RAB7B: variants seen among roughly 807,000 people sequenced by gnomAD.
The protein encoded by RAB7B is RAB7B, member RAS oncogene family, also known as ras-related protein Rab-7b.
chr1:206,002,508 C>A (rs1660907120), intron 1 of RAB7B, among the ~76,000 whole-genome samples: 1 of 152,236 alleles, frequency 6.6e-6, no homozygotes, highest in African/African-American at 2.4e-5. Flanking sequence ...TGCATGCTTA[C>A]TAAGCCCCAG....
rs997652667 is a variant in RAB7B, at chr1:206,001,183, C to T, written c.-17+2070G>A. On this transcript the variant is annotated intron_variant, in intron 1 of 5. Transcript: ENST00000617070. Reference sequence around the variant, plus strand: ...GAAGTGGGGGCGGTTTGTGGGGTGACGCAGCCTGGCTCACCTAGGAGGCAC... The same window carrying T: ...GAAGTGGGGGCGGTTTGTGGGGTGATGCAGCCTGGCTCACCTAGGAGGCAC... Among the ~76,000 whole-genome samples the T allele has an allele frequency of 6.4e-4, 97 of 151,994 alleles. No individual in the cohort carries two copies. The Middle Eastern group carries it at 0.014, about 21-fold the overall frequency.
At chr1:205,996,598 A>G (rs1015636976) in intron 1 of RAB7B, among the ~76,000 whole-genome samples, 13 of 152,222 alleles carry the variant, frequency 8.5e-5, no homozygotes, top group African/African-American at 2.7e-4. Context: ...TGGGACACAA[A>G]GTTAAAATGG....
chr1:205,991,285 G>A (rs1265519321), intron 4 of RAB7B, among the ~76,000 whole-genome samples: 1 of 152,066 alleles, frequency 6.6e-6, no homozygotes, highest in African/African-American at 2.4e-5. Context: ...GTCCCAGTGG[G>A]GGAAAAAATG....
intron 1 of RAB7B, among the ~76,000 whole-genome samples, chr1:205,998,785 G>A (rs980759115): frequency 4.2e-4 from 64 of 152,292 alleles, no homozygotes; most frequent in African/African-American, 1.2e-3. Context: ...TAAACAATAC[G>A]TTATTATAAT....
At chr1:205,996,971 A>G (rs968270370) in intron 1 of RAB7B, among the ~76,000 whole-genome samples, 9 of 152,136 alleles carry the variant, frequency 5.9e-5, no homozygotes, top group Non-Finnish European at 1.3e-4. Flanking sequence ...AACACATGGG[A>G]ATTACAATTC....
intron 5 of RAB7B, among the ~76,000 whole-genome samples, chr1:205,982,080 C>T (rs1316897763): frequency 6.6e-6 from 1 of 152,238 alleles, no homozygotes; most frequent in Non-Finnish European, 1.5e-5. Context: ...TCACATATTG[C>T]TCTCTTTACT....
At chr1:205,996,944 C>T (rs1365843854) in intron 1 of RAB7B, among the ~76,000 whole-genome samples, 8 of 152,194 alleles carry the variant, frequency 5.3e-5, no homozygotes, top group African/African-American at 1.9e-4. Context: ...AATCACCTCC[C>T]ACAAGGTCTC....
At chr1:205,999,210 A>G (rs987281564) in intron 1 of RAB7B, among the ~76,000 whole-genome samples, 155 of 152,306 alleles carry the variant, frequency 1.0e-3, no homozygotes, top group Non-Finnish European at 1.9e-3. Flanking sequence ...CTGGGGCAGG[A>G]CGAGGAAGGT....
intron 1 of RAB7B, among the ~76,000 whole-genome samples, chr1:205,999,550 A>G (rs925840189): frequency 1.1e-4 from 17 of 152,182 alleles, no homozygotes; most frequent in Non-Finnish European, 2.5e-4. Context: ...GTCTTTTTGG[A>G]AGGTAATTGG....
chr1:205,978,924 T>C lies in RAB7B; in HGVS notation c.527A>G (p.Gln176Arg). 5.0e-6 allele frequency: 2 copies of C among 398,850 alleles called. No homozygotes were observed. The highest frequency in any genetic ancestry group is 8.8e-6 in the Non-Finnish European group (2 of 226,252). 24.7% of individuals were successfully genotyped at this position (398,850 alleles called of 1,614,324 possible). A position where few individuals can be genotyped will look rare whatever the true frequency, so the allele number is the denominator to read the frequency against. Residue 176 changes from glutamine to arginine, a missense_variant, in exon 6 of 6, where the codon CAG becomes CGG. Transcript: ENST00000617070. ...MLASRALSRY[Q>R]SILENHLTES... ...TGTGAGGTGATTTTCTAAGATGCTC[T>C]GGTACTGGGGAAGGAAAGAGAGGCC...
rs906452239 is a variant in RAB7B, at chr1:205,978,881, C to T, written c.570G>A (p.Ser190=). 1.0e-5 allele frequency: 4 copies of T among 398,552 alleles called. No individual in the cohort carries two copies. The Admixed American group carries it at 1.3e-4, about 13-fold the overall frequency. 24.7% of individuals were successfully genotyped at this position (398,552 alleles called of 1,614,324 possible). The change falls in exon 6 of 6, where the codon TCG becomes TCA. Residue 190 remains serine, a synonymous_variant. Transcript: ENST00000617070. ...AGCATCTGCTCCTTGACTGGTCTGG[C>T]GAGAGCTTGATGGATTCTGTGAGGT... ...ENHLTESIKL[S]PDQSRSRCC
intron 5 of RAB7B, among the ~76,000 whole-genome samples, chr1:205,985,083 C>A (rs990517582): frequency 6.6e-6 from 1 of 152,194 alleles, no homozygotes; most frequent in Admixed American, 6.5e-5. Flanking sequence ...ACATTCTTGC[C>A]GAACCTTCGT....
chr1:206,000,509 G>A (rs1660875209), intron 1 of RAB7B, among the ~76,000 whole-genome samples: 1 of 152,200 alleles, frequency 6.6e-6, no homozygotes, highest in Non-Finnish European at 1.5e-5. Flanking sequence ...GGCCTTGGAT[G>A]GGTTACTGAA....
In RAB7B at chr1:205,994,097, GATA is replaced by G. The variant is rs1435188631; in HGVS notation, c.36_38del (p.Ile13del). Reference sequence around the variant, plus strand: ...GCTTGGCTTACCCAATGGCTCCGACGATAATGAGTTTCAGGTCCACCTTCTTCC... The same window carrying G: ...GCTTGGCTTACCCAATGGCTCCGACGATGAGTTTCAGGTCCACCTTCTTCC... On this transcript the variant is annotated inframe_deletion, in exon 2 of 6. Transcript: ENST00000617070. 3 of 398,560 alleles carry G rather than the reference GATA, an allele frequency of 7.5e-6. No individual in the cohort carries two copies. The highest frequency in any genetic ancestry group is 3.6e-5 in the East Asian group (1 of 28,080). The allele number at this position is 398,560 out of a possible 1,614,324, so 24.7% of individuals were successfully genotyped here. A position where few individuals can be genotyped will look rare whatever the true frequency, so the allele number is the denominator to read the frequency against.
chr1:205,995,280 G>A (rs1278735102), intron 1 of RAB7B, among the ~76,000 whole-genome samples: 4 of 151,962 alleles, frequency 2.6e-5, no homozygotes, highest in African/African-American at 9.7e-5. Context: ...AAAAACAACA[G>A]AAGATGGTAA....
At chr1:205,988,035 T>C (rs1660644458) in intron 4 of RAB7B, among the ~76,000 whole-genome samples, 1 of 152,050 alleles carries the variant, frequency 6.6e-6, no homozygotes, top group Non-Finnish European at 1.5e-5. Flanking sequence ...AAAATGTACC[T>C]GGCTCATTGT....
rs1660771839 is a variant in RAB7B at position 205,994,158 on chromosome 1, G to T, written c.-16-7C>A. 1 of 398,660 alleles carries T rather than the reference G, an allele frequency of 2.5e-6. No individual in the cohort carries two copies. The highest frequency in any genetic ancestry group is 4.4e-6 in the Non-Finnish European group (1 of 226,076). The allele number at this position is 398,660 out of a possible 1,614,324, so 24.7% of individuals were successfully genotyped here. A position where few individuals can be genotyped will look rare whatever the true frequency, so the allele number is the denominator to read the frequency against. ...CATGGAAGGGCTTCAGAGCCTGTAA[G>T]GAAACAGAGGTCATCCACATGCTAG... On this transcript the variant is annotated splice_region_variant and splice_polypyrimidine_tract_variant and intron_variant, in intron 1 of 5. Transcript: ENST00000617070.
chr1:205,984,200 G>T (rs1660549755), intron 5 of RAB7B: 1 of 152,298 alleles, frequency 6.6e-6, no homozygotes, highest in Non-Finnish European at 1.5e-5. Flanking sequence ...CCGAGACAGT[G>T]AGGGCTGGAG....
chr1:205,978,955 T>C, intron 5 of RAB7B, 27 bp from the exon 6 acceptor site: 1 of 398,736 alleles, frequency 2.5e-6, no homozygotes, highest in Middle Eastern at 6.3e-4. Flanking sequence ...AGGCCGGCAT[T>C]CATGTCCTGA....
Sources: gnomAD v4.1 joint callset for allele counts (sites outside exome capture counted in the v4.1 genomes callset) on GRCh38, gnomAD v4.1.1 for gene constraint, MANE v1.5 for transcripts, NCBI Gene and HGNC (gene_info 2026-07-23, HGNC 2026-07-21) for gene names.